Variants in FAM135B observed in about 807,000 individuals in gnomAD.
FAM135B encodes family with sequence similarity 135 member B, also known as protein FAM135B.
Under a neutral mutation model 127.7 loss-of-function variants are expected in FAM135B, and 43 were observed. The ratio of observed to expected loss-of-function variants is 0.34; its 90% CI spans 0.26 to 0.43. FAM135B has a LOEUF of 0.43. Among genes scored for constraint, FAM135B ranks in the 20% least tolerant of loss-of-function variants. The pLI is 1.00. For missense variants in FAM135B, 1,558 were observed against 1,725.6 expected (o/e 0.90, Z 1.72); for synonymous variants, 670 against 665.1 (o/e 1.01, Z -0.11).
chr8:138,383,434 A>G (rs566155025), intron 1 of FAM135B, among the ~76,000 whole-genome samples: 8 of 152,346 alleles, frequency 5.3e-5, no homozygotes, highest in African/African-American at 1.9e-4. Flanking sequence ...TAGATGCATG[A>G]TAGCTGATGT....
rs919213648 is a variant in FAM135B, at chr8:138,394,832, T to A, written c.-19-26830A>T. On this transcript the variant is annotated intron_variant, in intron 1 of 19. Transcript: ENST00000395297. ...AGCTTAGGTCTAGGCAACTGAGCTG[T>A]CCGTGTAAGCAGCAGCACTCGAGTT... Among the ~76,000 whole-genome samples the A allele has an allele frequency of 2.3e-4, 35 of 152,134 alleles. 1 individual carries two copies. Among genetic ancestry groups the A allele is most frequent in the African/African-American group, 7.5e-4 (31 of 41,426 alleles).
At chr8:138,489,225 C>T (rs1815109543) in intron 1 of FAM135B, among the ~76,000 whole-genome samples, 2 of 152,204 alleles carry the variant, frequency 1.3e-5, no homozygotes, top group South Asian at 4.1e-4. Context: ...ATCATTTCCT[C>T]CTGAAAACCT....
In FAM135B at chr8:138,148,511, A is replaced by G. The variant is rs200646219; in HGVS notation, c.3448+9T>C. The G allele has an allele frequency of 4.7e-4, 750 of 1,612,476 alleles. 5 individuals carry two copies. The Middle Eastern group carries it at 6.6e-3, about 14-fold the overall frequency. On this transcript the variant is annotated intron_variant, in intron 14 of 19. Coordinates refer to ENST00000395297, the MANE Select transcript of FAM135B (RefSeq NM_015912.4). The stretch of plus-strand genomic sequence containing the variant: ...AGAATTTGGGAAGAAAACTTGTTTT[A>G]GAACTCACCATCCAGGCCATGGACA...
chr8:138,366,546 T>C (rs146353620), intron 2 of FAM135B, among the ~76,000 whole-genome samples: 3 of 152,304 alleles, frequency 2.0e-5, no homozygotes, highest in African/African-American at 4.8e-5. Context: ...CCCCTCCTCA[T>C]ATGCCTCCTT....
chr8:138,479,556 G>T (rs1202373148), intron 1 of FAM135B, among the ~76,000 whole-genome samples: 1 of 152,138 alleles, frequency 6.6e-6, no homozygotes, highest in Non-Finnish European at 1.5e-5. Flanking sequence ...TAGGAGCTCT[G>T]CGTCCATAAC....
chr8:138,212,218 G>C (rs1399170778), intron 7 of FAM135B, among the ~76,000 whole-genome samples: 3 of 152,192 alleles, frequency 2.0e-5, no homozygotes, highest in African/African-American at 7.2e-5. Flanking sequence ...TTTGTGCTAA[G>C]AGTACATAGA....
chr8:138,232,980 T>C (rs971745718), intron 7 of FAM135B, among the ~76,000 whole-genome samples: 1 of 152,298 alleles, frequency 6.6e-6, no homozygotes. Context: ...ACTATTATAC[T>C]ATCTTTTTCT....
rs534701697 is a variant in FAM135B at position 138,359,481 on chromosome 8, C to T, written c.77+8426G>A. On this transcript the variant is annotated intron_variant, in intron 2 of 19. Transcript: ENST00000395297. ...ACAAATGCACCATTGTCAAAGCTGTCGTAATGTTAAACTTGAAGGTTCACC... is the reference window on the plus strand; with the variant it reads ...ACAAATGCACCATTGTCAAAGCTGTTGTAATGTTAAACTTGAAGGTTCACC... 1.3e-4 allele frequency among the ~76,000 whole-genome samples: 20 copies of T among 152,246 alleles called. No homozygotes were observed. The South Asian group carries it at 3.5e-3, about 27-fold the overall frequency.
intron 2 of FAM135B, among the ~76,000 whole-genome samples, chr8:138,321,617 A>G (rs11166808): frequency 0.88 from 133,432 of 152,172 alleles, 59,604 homozygotes; most frequent in Non-Finnish European, 0.97. Flanking sequence ...CAAGGTCCTC[A>G]GGTATAAATG....
intron 1 of FAM135B, among the ~76,000 whole-genome samples, chr8:138,476,479 A>ATT: frequency 7.1e-6 from 1 of 141,366 alleles, no homozygotes; most frequent in East Asian, 2.1e-4. Flanking sequence ...GTATCTCTCT[A>ATT]TTTTTTTTTT....
chr8:138,275,873 C>T (rs532572429), intron 3 of FAM135B, among the ~76,000 whole-genome samples: 10 of 152,164 alleles, frequency 6.6e-5, no homozygotes, highest in Non-Finnish European at 1.3e-4. Flanking sequence ...TATCCCGGCC[C>T]GGCAAATATT....
At chr8:138,240,040 C>G (rs1434672553) in intron 7 of FAM135B, among the ~76,000 whole-genome samples, 1 of 151,996 alleles carries the variant, frequency 6.6e-6, no homozygotes, top group Admixed American at 6.6e-5. Context: ...GGAGATATAC[C>G]TAGTGTAAAT....
At chr8:138,477,482 T>C (rs1213260432) in intron 1 of FAM135B, 2 of 152,156 alleles carry the variant, frequency 1.3e-5, no homozygotes, top group African/African-American at 2.4e-5. Context: ...CATCTGTTTG[T>C]TTATCTGTTG....
chr8:138,244,791 G>C (rs978812110), intron 6 of FAM135B, among the ~76,000 whole-genome samples: 1 of 152,126 alleles, frequency 6.6e-6, no homozygotes, highest in African/African-American at 2.4e-5. Flanking sequence ...GTCTTAATTA[G>C]CTTTTCTGGT....
At chr8:138,213,726 G>A (rs140186107) in intron 7 of FAM135B, among the ~76,000 whole-genome samples, 1,769 of 152,196 alleles carry the variant, frequency 0.012, 41 homozygotes, top group African/African-American at 0.04. Flanking sequence ...AAAATGGACT[G>A]GGGGGTTGTA....
intron 7 of FAM135B, among the ~76,000 whole-genome samples, chr8:138,227,333 A>C (rs546538712): frequency 4.8e-4 from 73 of 152,356 alleles, no homozygotes; most frequent in Middle Eastern, 6.8e-3. Flanking sequence ...ATACAAAATG[A>C]ATCTGCAAAT....
intron 1 of FAM135B, among the ~76,000 whole-genome samples, chr8:138,453,548 G>A (rs182198906): frequency 1.0e-3 from 152 of 152,226 alleles, no homozygotes; most frequent in African/African-American, 3.6e-3. Flanking sequence ...TCTTGCAGTT[G>A]GGGATTTGCT....
chr8:138,196,716 C>T (rs766655725), intron 8 of FAM135B, among the ~76,000 whole-genome samples: 3 of 152,120 alleles, frequency 2.0e-5, no homozygotes, highest in Non-Finnish European at 4.4e-5. Context: ...CTGGGGACTT[C>T]GCCTCTGTTC....
chr8:138,338,138 C>T (rs1828754224), intron 2 of FAM135B, among the ~76,000 whole-genome samples: 1 of 152,170 alleles, frequency 6.6e-6, no homozygotes, highest in Non-Finnish European at 1.5e-5. Flanking sequence ...AAATGTTAGA[C>T]CTGAAACCAT....
Sources: allele counts gnomAD v4.1 joint callset (sites outside exome capture counted in the v4.1 genomes callset), GRCh38; gene constraint gnomAD v4.1.1; transcripts MANE v1.5; gene names NCBI Gene and HGNC (gene_info 2026-07-23, HGNC 2026-07-21).